The following AKAP12 variants were observed in gnomAD, a reference collection of about 807,000 sequenced individuals.
AKAP12 encodes the protein A-kinase anchor protein 12.
In AKAP12, 32 loss-of-function variants were observed where a neutral mutation model predicts 79.9. That is an observed-to-expected ratio of 0.40 (90% CI 0.30 to 0.54). AKAP12 has a LOEUF of 0.54. Ranked by LOEUF, AKAP12 falls within the 20% of genes least tolerant of loss-of-function variation. The pLI is 0.48. For synonymous variants in AKAP12, 808 were observed against 857.0 expected (o/e 0.94, Z 1.00); for missense variants, 2,074 against 2,177.0 (o/e 0.95, Z 0.94).
intron 2 of AKAP12, among the ~76,000 whole-genome samples, chr6:151,302,496 T>A (rs1776883735): frequency 6.6e-6 from 1 of 152,170 alleles, no homozygotes; most frequent in African/African-American, 2.4e-5. Context: ...AATTTGTGCC[T>A]GTGTGCTATA....
chr6:151,240,745 C>T, intron 2 of AKAP12, 21 bp downstream of exon 2: 1 of 1,076,238 alleles, frequency 9.3e-7, no homozygotes, highest in East Asian at 4.5e-5. Flanking sequence ...GCCGGGCCAC[C>T]TGCGCCGGGA....
At chr6:151,329,500 G>A (rs1299972149) in intron 3 of AKAP12, among the ~76,000 whole-genome samples, 4 of 152,180 alleles carry the variant, frequency 2.6e-5, no homozygotes, top group African/African-American at 4.8e-5. Flanking sequence ...AAACTGTGAA[G>A]TATCATGAGA....
chr6:151,333,611 C>T (rs955130909), intron 3 of AKAP12, among the ~76,000 whole-genome samples: 3 of 151,820 alleles, frequency 2.0e-5, no homozygotes, highest in African/African-American at 7.2e-5. Context: ...GGCATGGTGG[C>T]GGGCGCCTGT....
chr6:151,333,570 G>C (rs1777735905), intron 3 of AKAP12, among the ~76,000 whole-genome samples: 1 of 151,994 alleles, frequency 6.6e-6, no homozygotes, highest in Admixed American at 6.5e-5. Flanking sequence ...GGCCAACATG[G>C]CGAAACTCTG....
Position 151,351,864 on chromosome 6 carries a change from T to TC in AKAP12, c.3479dup (p.Asp1161Ter), listed in dbSNP as rs1211553290. On this transcript the variant is annotated frameshift_variant, in exon 4 of 5. Transcript: ENST00000402676. LOFTEE classifies it low-confidence loss of function (END_TRUNC). The surrounding 1 kb of genome is among the most constrained non-coding windows in gnomAD (Gnocchi z 4.4). ...CAGGAGATGGTGATGGAACAGGCTA[T>TC]CCCCCCTGACTCGGTGGAAACCCCT... The TC allele has an allele frequency of 6.2e-7, 1 of 1,613,044 alleles. No individual in the cohort carries two copies. The highest frequency in any genetic ancestry group is 8.5e-7 in the Non-Finnish European group (1 of 1,179,768).
Position 151,350,299 on chromosome 6 carries a change from C to G in AKAP12, c.1908C>G (p.Asp636Glu), listed in dbSNP as rs760769925. The change falls in exon 4 of 5, where the codon GAC becomes GAG. Residue 636 changes from aspartate (D) to glutamate (E), a missense_variant. Coordinates refer to ENST00000402676, the MANE Select transcript of AKAP12 (RefSeq NM_005100.4). This position sits in a 1 kb window ranked among gnomAD's most constrained non-coding sequence, Gnocchi z 4.8. ...AAAGTGATAAAGAAGATGAGCTGGACAAGGTCAAGAGCGCTACCTTGTCTT... is the reference window on the plus strand; with the variant it reads ...AAAGTGATAAAGAAGATGAGCTGGAGAAGGTCAAGAGCGCTACCTTGTCTT... ...PSESDKEDEL[D>E]KVKSATLSST... 6.2e-7 allele frequency: 1 copy of G among 1,613,722 alleles called. No homozygotes were observed. The highest frequency in any genetic ancestry group is 1.3e-5 in the African/African-American group (1 of 74,808).
chr6:151,310,295 C>T (rs757305656), intron 3 of AKAP12, among the ~76,000 whole-genome samples: 2 of 152,028 alleles, frequency 1.3e-5, no homozygotes, highest in Non-Finnish European at 2.9e-5. Flanking sequence ...AACCCGGAGG[C>T]GGAGGGTGCA....
intron 3 of AKAP12, among the ~76,000 whole-genome samples, chr6:151,328,388 C>T (rs1262889621): frequency 6.7e-6 from 1 of 149,566 alleles, no homozygotes; most frequent in Non-Finnish European, 1.5e-5. Context: ...CCTGTGATTC[C>T]AGCACTTTGG....
chr6:151,278,676 T>G (rs1776333862), intron 2 of AKAP12, among the ~76,000 whole-genome samples: 1 of 151,954 alleles, frequency 6.6e-6, no homozygotes, highest in Non-Finnish European at 1.5e-5. Flanking sequence ...GTGTCTAGTT[T>G]TTTTTTTTTG....
At chr6:151,266,736 A>G (rs1582843527) in intron 2 of AKAP12, among the ~76,000 whole-genome samples, 3 of 152,230 alleles carry the variant, frequency 2.0e-5, no homozygotes, top group African/African-American at 4.8e-5. Flanking sequence ...AGTTCAGTGA[A>G]TCATGTATGG....
intron 3 of AKAP12, among the ~76,000 whole-genome samples, chr6:151,312,794 A>AAAAAAAAAAAAT (rs1777145805): frequency 1.6e-5 from 1 of 62,494 alleles, no homozygotes; most frequent in Non-Finnish European, 3.0e-5. Flanking sequence ...CTCTGTCTCC[A>AAAAAAAAAAAAT]AAAAAAAAAA....
intron 2 of AKAP12, among the ~76,000 whole-genome samples, chr6:151,303,330 T>C (rs1318689019): frequency 6.6e-6 from 1 of 152,240 alleles, no homozygotes; most frequent in Non-Finnish European, 1.5e-5. Flanking sequence ...CATATTTTGG[T>C]AAGAGAAGAC....
intron 3 of AKAP12, among the ~76,000 whole-genome samples, chr6:151,337,524 A>AAAAAAAAAG (rs535027217): frequency 0.1 from 12,838 of 128,340 alleles, 1,012 homozygotes; most frequent in African/African-American, 0.21. Flanking sequence ...AAAAAAAAAA[A>AAAAAAAAAG]AAAGAAAGAA....
chr6:151,331,447 A>G (rs1271079604), intron 3 of AKAP12, among the ~76,000 whole-genome samples: 1 of 152,170 alleles, frequency 6.6e-6, no homozygotes, highest in East Asian at 1.9e-4. Context: ...ATTAAGGATA[A>G]CTTTCATTTA....
intron 2 of AKAP12, among the ~76,000 whole-genome samples, chr6:151,255,573 G>A (rs1797276145): frequency 6.6e-6 from 1 of 152,040 alleles, no homozygotes; most frequent in Non-Finnish European, 1.5e-5. Flanking sequence ...CGAGGCAGGA[G>A]GGTCACTCAA....
intron 3 of AKAP12, among the ~76,000 whole-genome samples, chr6:151,312,502 A>G (rs1335750888): frequency 6.6e-6 from 1 of 151,296 alleles, no homozygotes; most frequent in South Asian, 2.1e-4. Context: ...TATAAGAATC[A>G]TGAGGACGGC....
intron 2 of AKAP12, among the ~76,000 whole-genome samples, chr6:151,259,758 G>A (rs924432520): frequency 3.3e-5 from 5 of 151,366 alleles, no homozygotes; most frequent in African/African-American, 1.2e-4. Flanking sequence ...TGTTTTTTTA[G>A]TAGACATGGG....
At chr6:151,279,692 A>T (rs1428168888) in intron 2 of AKAP12, among the ~76,000 whole-genome samples, 1 of 151,872 alleles carries the variant, frequency 6.6e-6, no homozygotes, top group Non-Finnish European at 1.5e-5. Flanking sequence ...ACAATAAGCA[A>T]GCAAAAGCCG....
Position 151,279,528 on chromosome 6 carries a change from C to A in AKAP12, c.163-26219C>A, listed in dbSNP as rs566049455. ...TTTTTAATATGTATGCAAGAAGAAA[C>A]GAGAAATATACGATAAAGGATAAAG... On this transcript the variant is annotated intron_variant, in intron 2 of 4. Transcript: ENST00000402676. 4.0e-5 allele frequency among the ~76,000 whole-genome samples: 6 copies of A among 151,842 alleles called. No individual in the cohort carries two copies. In the South Asian group the frequency reaches 8.3e-4, roughly 21 times the overall value.
Sources: gnomAD v4.1 joint callset for allele counts (sites outside exome capture counted in the v4.1 genomes callset) on GRCh38, gnomAD v4.1.1 for gene constraint, Gnocchi (gnomAD v3.1) non-coding constraint, MANE v1.5 for transcripts, NCBI Gene and HGNC (gene_info 2026-07-23, HGNC 2026-07-21) for gene names.